Variants in PAXBP1 observed in about 807,000 individuals in gnomAD.
PAXBP1 encodes the protein PAX3- and PAX7-binding protein 1.
A neutral mutation model predicts 119.9 loss-of-function variants in PAXBP1; 44 were observed. The observed-to-expected ratio is 0.37, with a 90% confidence interval of 0.29 to 0.47. PAXBP1 has a LOEUF of 0.47. PAXBP1 is among the 20% of genes least tolerant of loss of function. The pLI, the probability that PAXBP1 is intolerant of heterozygous loss-of-function variation, is 0.99. For synonymous variants in PAXBP1, 393 were observed against 406.6 expected, an observed-to-expected ratio of 0.97 and a Z score of 0.40; for missense variants, 898 against 1,134.1, an observed-to-expected ratio of 0.79 and a Z score of 2.99.
intron 1 of PAXBP1, among the ~76,000 whole-genome samples, chr21:32,771,100 G>A (rs977880071): frequency 5.3e-5 from 8 of 152,226 alleles, no homozygotes; most frequent in African/African-American, 7.2e-5. Flanking sequence ...TCTGAGCTCC[G>A]GCCCCGTGGC....
At chr21:32,762,040 AAAAC>A in intron 4 of PAXBP1, 52 bp downstream of exon 4, 1 of 1,584,330 alleles carries the variant, frequency 6.3e-7, no homozygotes, top group South Asian at 1.1e-5. Context: ...ACCCTGCCTT[AAAAC>A]AAACAAAAAA....
chr21:32,771,701 T>C lies in PAXBP1; in HGVS notation c.-33A>G. The stretch of plus-strand genomic sequence containing the variant: ...GCCCGCACGGCGGTCGAATACTCGC[T>C]TCCACACCGCGGCCCCGGCAGCGCC... On this transcript the variant is annotated 5_prime_UTR_variant, in exon 1 of 18. Transcript: ENST00000331923. The C allele has an allele frequency of 7.4e-7, 1 of 1,353,300 alleles. No homozygotes were observed. The highest frequency in any genetic ancestry group is 9.5e-7 in the Non-Finnish European group (1 of 1,053,444). 83.8% of individuals were successfully genotyped at this position (1,353,300 alleles called of 1,614,324 possible).
chr21:32,755,544 C>T (rs571572733), intron 7 of PAXBP1, 191 bp from the exon 8 acceptor site: 140 of 583,268 alleles, frequency 2.4e-4, no homozygotes, highest in Non-Finnish European at 3.5e-4. Context: ...TTAATCCATG[C>T]ATAGAGCTAT....
At chr21:32,753,482 T>C (rs912102443) in intron 8 of PAXBP1, among the ~76,000 whole-genome samples, 13 of 152,080 alleles carry the variant, frequency 8.5e-5, no homozygotes, top group Non-Finnish European at 1.8e-4. Context: ...TGTATAGGTT[T>C]TGTAAAATGT....
intron 15 of PAXBP1, chr21:32,741,286 G>A (rs1021151594): frequency 2.3e-4 from 83 of 358,200 alleles, no homozygotes; most frequent in African/African-American, 1.6e-3. Context: ...GCCAAGGGAA[G>A]GCTTCCCCTT....
intron 2 of PAXBP1, among the ~76,000 whole-genome samples, chr21:32,769,219 G>A (rs907874408): frequency 2.6e-5 from 4 of 152,042 alleles, no homozygotes; most frequent in East Asian, 3.8e-4. Context: ...ATATTATACT[G>A]GATCCACTTT....
At chr21:32,766,533 A>C in intron 2 of PAXBP1, among the ~76,000 whole-genome samples, 1 of 152,100 alleles carries the variant, frequency 6.6e-6, no homozygotes, top group East Asian at 1.9e-4. Context: ...TCATCAAAAG[A>C]GCTTTCCCAC....
In PAXBP1 at chr21:32,744,821, CTGAAGGA is replaced by C; in HGVS notation, c.2154_2160del (p.Tyr718Ter). The C allele has an allele frequency of 6.2e-7, 1 of 1,600,884 alleles. No individual in the cohort carries two copies. The highest frequency in any genetic ancestry group is 8.5e-7 in the Non-Finnish European group (1 of 1,173,546). On this transcript the variant is annotated frameshift_variant, in exon 13 of 18. Transcript: ENST00000331923. LOFTEE classifies it high-confidence loss of function. ...GTATTTTTATTTTCTGCATTCACTA[CTGAAGGA>C]TATCCATTGATTAATTTTAGTGTAA...
Position 32,743,694 on chromosome 21 carries a change from G to T in PAXBP1, c.2251C>A (p.Pro751Thr). The T allele has an allele frequency of 6.3e-7, 1 of 1,591,212 alleles. No homozygotes were observed. Among genetic ancestry groups the T allele is most frequent in the Non-Finnish European group, 8.6e-7 (1 of 1,162,148 alleles). The change falls in exon 14 of 18, where the codon CCC becomes ACC. Residue 751 changes from proline to threonine, a missense_variant. By Grantham distance (38) the Pro-to-Thr change is conservative. Transcript: ENST00000331923. Reference protein sequence around the residue: ...RRTLDDDVFMPLYPKNVLENK... With the variant: ...RRTLDDDVFMTLYPKNVLENK... ...GTTACTTACTTTTTGGGATATAAGG[G>T]CATAAATACATCATCATCTAAAGTT...
At chr21:32,762,008 C>G (rs1407959681) in intron 4 of PAXBP1, 88 bp downstream of exon 4, 4 of 1,365,676 alleles carry the variant, frequency 2.9e-6, no homozygotes, top group Admixed American at 3.7e-5. Context: ...CCACTGCACT[C>G]TGGCCTAAGT....
intron 3 of PAXBP1, among the ~76,000 whole-genome samples, chr21:32,763,840 G>T (rs1285887399): frequency 1.3e-5 from 2 of 152,032 alleles, no homozygotes; most frequent in Admixed American, 6.6e-5. Flanking sequence ...ACAAAAATCA[G>T]CTGGGTATGG....
chr21:32,763,437 A>G (rs1465747600), intron 3 of PAXBP1, among the ~76,000 whole-genome samples: 1 of 152,208 alleles, frequency 6.6e-6, no homozygotes, highest in Non-Finnish European at 1.5e-5. Flanking sequence ...ATTGATTCAT[A>G]TTGCCAAAGA....
chr21:32,760,043 A>T lies in PAXBP1; in HGVS notation c.976-49T>A, dbSNP rs375958072. On this transcript the variant is annotated intron_variant, in intron 5 of 17. Transcript: ENST00000331923. ...TGAAATCTGGTAGTTAAAACTTTGAAAATAATAATATGCCTTTAGGGTTAA... is the reference window on the plus strand; with the variant it reads ...TGAAATCTGGTAGTTAAAACTTTGATAATAATAATATGCCTTTAGGGTTAA... The T allele has an allele frequency of 1.1e-4, 165 of 1,439,250 alleles. No homozygotes were observed. In the African/African-American group the frequency reaches 1.9e-3, roughly 16 times the overall value. The allele number at this position is 1,439,250 out of a possible 1,614,324, so 89.2% of individuals were successfully genotyped here. A position where few individuals can be genotyped will look rare whatever the true frequency, so the allele number is the denominator to read the frequency against.
rs150230284 is a variant in PAXBP1, at chr21:32,770,910, T to C, written c.343+416A>G. Among the ~76,000 whole-genome samples the C allele has an allele frequency of 1.3e-3, 205 of 152,268 alleles. 1 individual carries two copies. Among genetic ancestry groups the C allele is most frequent in the African/African-American group, 4.8e-3 (199 of 41,560 alleles). Reference sequence around the variant, plus strand: ...TTCCTTTTTACAAACTCGGCCTTCATGGTCGAGGATGCCTGGACAGAGCAT... The same window carrying C: ...TTCCTTTTTACAAACTCGGCCTTCACGGTCGAGGATGCCTGGACAGAGCAT... On this transcript the variant is annotated intron_variant, in intron 1 of 17. Coordinates refer to ENST00000331923, the MANE Select transcript of PAXBP1 (RefSeq NM_016631.4).
At chr21:32,756,502 G>A in intron 7 of PAXBP1, 1 of 437,634 alleles carries the variant, frequency 2.3e-6, no homozygotes, top group South Asian at 1.7e-5. Context: ...GAGTTATTTT[G>A]TTCTTTAATA....
chr21:32,765,523 C>A (rs1208192322), intron 2 of PAXBP1, among the ~76,000 whole-genome samples: 3 of 152,132 alleles, frequency 2.0e-5, no homozygotes, highest in African/African-American at 7.2e-5. Context: ...AGTTTATTCT[C>A]AATATGAAAG....
At chr21:32,758,656 A>C (rs1360508377) in intron 7 of PAXBP1, among the ~76,000 whole-genome samples, 2 of 151,248 alleles carry the variant, frequency 1.3e-5, no homozygotes, top group African/African-American at 4.8e-5. Flanking sequence ...AAAAAAAAAA[A>C]AAAAAAAAAA....
intron 4 of PAXBP1, 52 bp downstream of exon 4, chr21:32,762,039 TAAAAC>T: frequency 1.9e-6 from 3 of 1,585,872 alleles, no homozygotes; most frequent in Admixed American, 1.7e-5. Flanking sequence ...CACCCTGCCT[TAAAAC>T]AAACAAAAAA....
At chr21:32,745,921 A>G (rs1047283900) in intron 11 of PAXBP1, among the ~76,000 whole-genome samples, 1 of 152,256 alleles carries the variant, frequency 6.6e-6, no homozygotes, top group African/African-American at 2.4e-5. Flanking sequence ...AAACAGACAC[A>G]TAGACCAATG....
Sources: allele counts gnomAD v4.1 joint callset (sites outside exome capture counted in the v4.1 genomes callset), GRCh38; gene constraint gnomAD v4.1.1; transcripts MANE v1.5; gene names NCBI Gene and HGNC (gene_info 2026-07-23, HGNC 2026-07-21).